The following NAA11 variants were observed in gnomAD, a reference collection of about 807,000 sequenced individuals.
NAA11 encodes N-alpha-acetyltransferase 11, NatA catalytic subunit.
Under a neutral mutation model 16.1 loss-of-function variants are expected in NAA11, and 15 were observed. That is an observed-to-expected ratio of 0.93 (90% CI 0.62 to 1.44). NAA11 has a LOEUF of 1.44. NAA11 is among the 40% of genes most tolerant of loss of function. The pLI is 0.00. For missense variants in NAA11, 298 were observed against 291.3 expected, an observed-to-expected ratio of 1.02 and a Z score of -0.17; for synonymous variants, 122 against 112.4, an observed-to-expected ratio of 1.09 and a Z score of -0.54.
At chr4:79,318,449 CCATT>C (rs906364039) in intron 1 of NAA11, among the ~76,000 whole-genome samples, 1 of 152,012 alleles carries the variant, frequency 6.6e-6, no homozygotes, top group Non-Finnish European at 1.5e-5. Context: ...TTTGAGAGGT[CCATT>C]CATTCATTCA....
At chr4:79,184,195 C>T in the NAA11 span, among the ~76,000 whole-genome samples, 6 of 152,222 alleles carry the variant, frequency 3.9e-5, no homozygotes, top group Middle Eastern at 6.8e-3. Context: ...TTTGATAAAA[C>T]CCATATTGTA....
chr4:79,299,988 CCAT>C (rs1723338029), intron 1 of NAA11, among the ~76,000 whole-genome samples: 1 of 152,172 alleles, frequency 6.6e-6, no homozygotes, highest in South Asian at 2.1e-4. Context: ...CTTGGTTTCC[CCAT>C]TCGCTTTCAG....
chr4:79,311,336 T>A (rs984215278), intron 1 of NAA11, among the ~76,000 whole-genome samples: 1 of 152,204 alleles, frequency 6.6e-6, no homozygotes, highest in African/African-American at 2.4e-5. Context: ...AAATACTTTT[T>A]TTCTTGAACA....
intron 2 of NAA11, among the ~76,000 whole-genome samples, chr4:79,246,377 T>TAAAAAAAAAAAAAAA (rs869224539): frequency 8.9e-5 from 2 of 22,458 alleles, no homozygotes; most frequent in Non-Finnish European, 2.0e-4. Context: ...CAATAAATAC[T>TAAAAAAAAAAAAAAA]AAAAAAAAAA....
intron 2 of NAA11, among the ~76,000 whole-genome samples, chr4:79,264,257 T>C (rs1722297421): frequency 6.6e-6 from 1 of 152,238 alleles, no homozygotes; most frequent in Admixed American, 6.5e-5. Context: ...GTTGATTTTA[T>C]GTCTGTTGGA....
At chr4:79,181,531 TAC>T in the NAA11 span, among the ~76,000 whole-genome samples, 3 of 152,178 alleles carry the variant, frequency 2.0e-5, no homozygotes, top group Non-Finnish European at 4.4e-5. Context: ...CATGATTGAC[TAC>T]AGTGAACGGG....
the NAA11 span, among the ~76,000 whole-genome samples, chr4:79,187,015 T>G: frequency 6.6e-6 from 1 of 152,200 alleles, no homozygotes; most frequent in African/African-American, 2.4e-5. Flanking sequence ...TTAGGTAAGG[T>G]TGAGTGCATA....
intron 2 of NAA11, among the ~76,000 whole-genome samples, chr4:79,288,928 T>C (rs1310617305): frequency 6.6e-6 from 1 of 152,238 alleles, no homozygotes; most frequent in Admixed American, 6.5e-5. Flanking sequence ...TTTTCACTTA[T>C]TAAATGATTA....
intron 2 of NAA11, among the ~76,000 whole-genome samples, chr4:79,258,476 C>G (rs1010025724): frequency 2.0e-5 from 3 of 152,236 alleles, no homozygotes; most frequent in Non-Finnish European, 4.4e-5. Context: ...CACAGCCCAG[C>G]TGGGTGTGCA....
intron 1 of NAA11, among the ~76,000 whole-genome samples, chr4:79,323,549 G>A (rs556619103): frequency 2.6e-5 from 4 of 152,222 alleles, no homozygotes; most frequent in East Asian, 1.9e-4. Context: ...GGCCGGGCAC[G>A]GTGGCTCATG....
At chr4:79,155,967 G>C in the NAA11 span, among the ~76,000 whole-genome samples, 1 of 152,156 alleles carries the variant, frequency 6.6e-6, no homozygotes, top group East Asian at 1.9e-4. Flanking sequence ...TTACAAGGCA[G>C]GTGAGTCAAT....
At chr4:79,246,886 C>T (rs939926144) in intron 2 of NAA11, among the ~76,000 whole-genome samples, 2 of 152,212 alleles carry the variant, frequency 1.3e-5, no homozygotes, top group African/African-American at 4.8e-5. Context: ...ATCACCCTCT[C>T]TCAAGGGAAT....
chr4:79,191,567 G>C, the NAA11 span, among the ~76,000 whole-genome samples: 9 of 151,504 alleles, frequency 5.9e-5, no homozygotes, highest in East Asian at 3.9e-4. Context: ...GTTCCTTTTA[G>C]ATGCTGGATA....
At chr4:79,211,887 T>C in the NAA11 span, 1 of 152,220 alleles carries the variant, frequency 6.6e-6, no homozygotes, top group Admixed American at 6.5e-5. Flanking sequence ...TTCCCCAAAG[T>C]TGTGAGTTTA....
chr4:79,291,585 G>A (rs1024686738), intron 2 of NAA11, among the ~76,000 whole-genome samples: 15 of 151,968 alleles, frequency 9.9e-5, no homozygotes, highest in Admixed American at 4.6e-4. Context: ...TCAGCTGGGC[G>A]TGGTGGTGCA....
At chr4:79,292,010 G>GGA (rs1723097997) in intron 2 of NAA11, among the ~76,000 whole-genome samples, 1 of 152,086 alleles carries the variant, frequency 6.6e-6, no homozygotes, top group South Asian at 2.1e-4. Flanking sequence ...ACCACTATTT[G>GGA]GAGAGAGAGA....
chr4:79,185,794 A>C, the NAA11 span, among the ~76,000 whole-genome samples: 1 of 152,166 alleles, frequency 6.6e-6, no homozygotes, highest in Non-Finnish European at 1.5e-5. Flanking sequence ...GAAGCCTGGC[A>C]GGAAACTCTT....
the NAA11 span, among the ~76,000 whole-genome samples, chr4:79,184,288 A>G: frequency 6.6e-6 from 1 of 152,212 alleles, no homozygotes; most frequent in Non-Finnish European, 1.5e-5. Flanking sequence ...TTCTAATGTC[A>G]AGGAGGTTTT....
At chr4:79,254,085 G>A (rs1024326730) in intron 2 of NAA11, among the ~76,000 whole-genome samples, 1 of 152,216 alleles carries the variant, frequency 6.6e-6, no homozygotes, top group Non-Finnish European at 1.5e-5. Flanking sequence ...CTGGTTCTGT[G>A]TGATGGATTG....
Sources: allele counts gnomAD v4.1 joint callset (sites outside exome capture counted in the v4.1 genomes callset), GRCh38; gene constraint gnomAD v4.1.1; transcripts MANE v1.5; gene names NCBI Gene and HGNC (gene_info 2026-07-23, HGNC 2026-07-21).